The following MTDH variants were observed in gnomAD, a reference collection of about 807,000 sequenced individuals.
MTDH encodes the protein protein LYRIC.
A neutral mutation model predicts 72.7 loss-of-function variants in MTDH; 34 were observed. The ratio of observed to expected loss-of-function variants is 0.47; its 90% CI spans 0.36 to 0.62. The LOEUF (loss-of-function observed/expected upper bound fraction) is 0.62, where lower values mean the gene tolerates loss of function less well. MTDH is among the 20% of genes least tolerant of loss of function. The pLI is 0.00. For synonymous variants in MTDH, 266 were observed against 268.9 expected, an observed-to-expected ratio of 0.99 and a Z score of 0.10; for missense variants, 677 against 699.4, an observed-to-expected ratio of 0.97 and a Z score of 0.36.
chr8:97,651,605 C>G (rs1811775308), intron 1 of MTDH, among the ~76,000 whole-genome samples: 1 of 152,104 alleles, frequency 6.6e-6, no homozygotes, highest in South Asian at 2.1e-4. Context: ...GTGAAAGTAC[C>G]TCAAGTATTG....
In MTDH at chr8:97,691,089, A is replaced by C; in HGVS notation, c.949A>C (p.Thr317Pro). 1 of 1,614,126 alleles carries C rather than the reference A, an allele frequency of 6.2e-7. No homozygotes were observed. The highest frequency in any genetic ancestry group is 8.5e-7 in the Non-Finnish European group (1 of 1,180,012). ...VSPASAGKRK[T>P]EPSAWSQDTG... The stretch of plus-strand genomic sequence containing the variant: ...ACCTGCTTCTGCAGGAAAGAGGAAA[A>C]CTGAGCCATCTGCCTGGAGTCAAGA... Residue 317 changes from threonine (T) to proline (P), a missense_variant, in exon 6 of 12, where the codon ACT becomes CCT. Physicochemically the swap from Thr to Pro is conservative, Grantham distance 38. Transcript: ENST00000336273.
chr8:97,710,044 A>AGGG (rs1814555735), intron 8 of MTDH, among the ~76,000 whole-genome samples: 2 of 152,190 alleles, frequency 1.3e-5, no homozygotes, highest in Admixed American at 1.3e-4. Flanking sequence ...GTATCTATTC[A>AGGG]TATGGCATTT....
At chr8:97,694,735 C>A (rs1420713095) in intron 6 of MTDH, among the ~76,000 whole-genome samples, 1 of 151,970 alleles carries the variant, frequency 6.6e-6, no homozygotes, top group Non-Finnish European at 1.5e-5. Flanking sequence ...CCAGCCTGGG[C>A]AACATGGTGA....
intron 1 of MTDH, among the ~76,000 whole-genome samples, chr8:97,656,491 C>T (rs1200568133): frequency 3.3e-5 from 5 of 150,940 alleles, no homozygotes; most frequent in Admixed American, 6.6e-5. Context: ...TTAGTAGAGA[C>T]GGGGTTTCAC....
At chr8:97,672,617 C>G (rs929143230) in intron 2 of MTDH, among the ~76,000 whole-genome samples, 5 of 152,156 alleles carry the variant, frequency 3.3e-5, no homozygotes, top group Admixed American at 3.3e-4. Flanking sequence ...AGGATTTCTG[C>G]CCCAGTCAGT....
intron 6 of MTDH, among the ~76,000 whole-genome samples, chr8:97,697,150 A>ATATATATATATTTTT: frequency 1.3e-4 from 9 of 68,766 alleles, no homozygotes; most frequent in Admixed American, 7.9e-4. Flanking sequence ...ATATATATAT[A>ATATATATATATTTTT]TTTTTTTTTT....
intron 2 of MTDH, among the ~76,000 whole-genome samples, chr8:97,671,126 C>T (rs1414117217): frequency 2.6e-5 from 4 of 151,802 alleles, no homozygotes; most frequent in East Asian, 1.9e-4. Context: ...CCACCGCGCC[C>T]GGCTAATTTT....
rs189816735 is a variant in MTDH at position 97,646,452 on chromosome 8, T to A, written c.381+1565T>A. On this transcript the variant is annotated intron_variant, in intron 1 of 11. Coordinates refer to ENST00000336273, the MANE Select transcript of MTDH (RefSeq NM_178812.4). Reference sequence around the variant, plus strand: ...ATGTTATGGTGAAAATAGAGAACCTTGCTCCAAGGTAAGGAAAGAAGGTGA... The same window carrying A: ...ATGTTATGGTGAAAATAGAGAACCTAGCTCCAAGGTAAGGAAAGAAGGTGA... 4.0e-5 allele frequency among the ~76,000 whole-genome samples: 6 copies of A among 151,756 alleles called. No individual in the cohort carries two copies. In the East Asian group the frequency reaches 1.2e-3, roughly 29 times the overall value.
rs1010407647 is a variant in MTDH at position 97,722,299 on chromosome 8, A to T, written c.1522-580A>T. Among the ~76,000 whole-genome samples, 3 of 152,192 alleles carry T rather than the reference A, an allele frequency of 2.0e-5. 1 individual carries two copies. The highest frequency in any genetic ancestry group is 2.9e-5 in the Non-Finnish European group (2 of 68,040). ...GCATAAAATCATCTTATTTATATGA[A>T]ACTTAAGAATATAAAAGTTAGGCCG... On this transcript the variant is annotated intron_variant, in intron 10 of 11. Coordinates refer to ENST00000336273, the MANE Select transcript of MTDH (RefSeq NM_178812.4).
At chr8:97,697,445 G>T (rs534205958) in intron 6 of MTDH, among the ~76,000 whole-genome samples, 1 of 145,526 alleles carries the variant, frequency 6.9e-6, no homozygotes, top group East Asian at 2.1e-4. Flanking sequence ...GAGTGCAGTG[G>T]CGCAATCTCG....
At chr8:97,687,334 A>G (rs888798739) in intron 3 of MTDH, 95 bp from the exon 4 acceptor site, 2 of 1,000,202 alleles carry the variant, frequency 2.0e-6, no homozygotes, top group Non-Finnish European at 2.8e-6. Context: ...ATTTATCATG[A>G]TATTTTATGT....
chr8:97,657,771 A>G (rs779953748), intron 1 of MTDH, among the ~76,000 whole-genome samples: 6 of 152,174 alleles, frequency 3.9e-5, no homozygotes, highest in Non-Finnish European at 8.8e-5. Flanking sequence ...GGCCTCCCAA[A>G]GTGCTGGAAT....
intron 2 of MTDH, among the ~76,000 whole-genome samples, chr8:97,683,173 T>C (rs554207540): frequency 6.1e-4 from 89 of 145,304 alleles, no homozygotes; most frequent in Middle Eastern, 3.5e-3. Flanking sequence ...CAAGCGATTC[T>C]ACTGCCTCAG....
At chr8:97,651,541 T>C (rs563617311) in intron 1 of MTDH, among the ~76,000 whole-genome samples, 3 of 152,354 alleles carry the variant, frequency 2.0e-5, no homozygotes, top group African/African-American at 7.2e-5. Context: ...CAGCTGGGAA[T>C]GTGCCTGCAG....
Position 97,689,832 on chromosome 8 carries a change from C to T in MTDH, c.811+729C>T, listed in dbSNP as rs557951459. 4.2e-4 allele frequency among the ~76,000 whole-genome samples: 64 copies of T among 150,972 alleles called. 1 individual carries two copies. Among genetic ancestry groups the T allele is most frequent in the Non-Finnish European group, 7.8e-4 (53 of 67,766 alleles). On this transcript the variant is annotated intron_variant, in intron 5 of 11. Transcript: ENST00000336273. ...AAGCAATTCTCCTGCCTCAGCCTCC[C>T]GAGTAGCAGGGATTACAGGCGCCCA... is the stretch of plus-strand genomic sequence containing the variant.
Position 97,724,829 on chromosome 8 carries a change from AAGTT to A in MTDH, c.*161_*164del. The A allele has an allele frequency of 1.9e-6, 1 of 524,500 alleles. No homozygotes were observed. Among genetic ancestry groups the A allele is most frequent in the Non-Finnish European group, 3.3e-6 (1 of 306,918 alleles). 32.5% of individuals were successfully genotyped at this position (524,500 alleles called of 1,614,324 possible). A position where few individuals can be genotyped will look rare whatever the true frequency, so the allele number is the denominator to read the frequency against. Reference sequence around the variant, plus strand: ...CCACCATAAAAATGGAATCAAAAGAAAGTTAATTTATGAAATTAAGAGGTCAGCA... The same window carrying A: ...CCACCATAAAAATGGAATCAAAAGAAAATTTATGAAATTAAGAGGTCAGCA... On this transcript the variant is annotated 3_prime_UTR_variant, in exon 12 of 12. Coordinates refer to ENST00000336273, the MANE Select transcript of MTDH (RefSeq NM_178812.4).
intron 8 of MTDH, among the ~76,000 whole-genome samples, 164 bp downstream of exon 8, chr8:97,706,914 A>G (rs530375141): frequency 6.6e-6 from 1 of 152,262 alleles, no homozygotes; most frequent in East Asian, 1.9e-4. Context: ...CCCCATCTCT[A>G]TTTATAAAAA....
chr8:97,721,797 G>T (rs1409878071), intron 10 of MTDH, among the ~76,000 whole-genome samples: 3 of 152,214 alleles, frequency 2.0e-5, no homozygotes, highest in Non-Finnish European at 4.4e-5. Flanking sequence ...CTGTAGAGAA[G>T]TAAGGCTCAA....
At chr8:97,660,991 A>G in intron 1 of MTDH, 81 bp from the exon 2 acceptor site, 1 of 1,062,426 alleles carries the variant, frequency 9.4e-7, no homozygotes, top group Admixed American at 2.0e-5. Flanking sequence ...TGATTGTAGT[A>G]TATATGGTTT....
Sources: allele counts gnomAD v4.1 joint callset (sites outside exome capture counted in the v4.1 genomes callset), GRCh38; gene constraint gnomAD v4.1.1; transcripts MANE v1.5; gene names NCBI Gene and HGNC (gene_info 2026-07-23, HGNC 2026-07-21).